The following FBN2 variants were observed in gnomAD, a reference collection of about 807,000 sequenced individuals.
The protein encoded by FBN2 is fibrillin-2.
Under a neutral mutation model 355.6 loss-of-function variants are expected in FBN2, and 105 were observed. The observed-to-expected ratio is 0.30, with a 90% CI of 0.25 to 0.35. The LOEUF (loss-of-function observed/expected upper bound fraction) is 0.35. FBN2 is among the 10% of genes least tolerant of loss of function. The probability of loss-of-function intolerance (pLI) is 1.00; values close to 1 mark genes in which losing one functional copy is unlikely to be tolerated. For synonymous variants in FBN2, 1,350 were observed against 1,301.2 expected, an observed-to-expected ratio of 1.04 and a Z score of -0.81; for missense variants, 3,280 against 3,758.7, an observed-to-expected ratio of 0.87 and a Z score of 3.33.
At chr5:128,465,364 C>T (rs977828907) in intron 5 of FBN2, among the ~76,000 whole-genome samples, 2 of 152,168 alleles carry the variant, frequency 1.3e-5, no homozygotes, top group Admixed American at 6.5e-5. Context: ...AATCCGAGCT[C>T]AGTACATTCA....
At chr5:128,416,617 C>A (rs2127009981) in intron 7 of FBN2, among the ~76,000 whole-genome samples, 1 of 152,292 alleles carries the variant, frequency 6.6e-6, no homozygotes, top group African/African-American at 2.4e-5. Context: ...TAGTTCCATT[C>A]TTCTGCATAT....
At position 128,349,337 on chromosome 5, in the gene FBN2, T is replaced by A; in HGVS notation, c.2989+10A>T. On this transcript the variant is annotated intron_variant, in intron 23 of 64. Transcript: ENST00000262464. ...TTTATACATAGAATACATGAGGGTGTGAATCTTACCCAAACATACACGGCC... is the reference window on the plus strand; with the variant it reads ...TTTATACATAGAATACATGAGGGTGAGAATCTTACCCAAACATACACGGCC... 4 of 1,614,034 alleles carry A rather than the reference T, an allele frequency of 2.5e-6. No individual in the cohort carries two copies. The highest frequency in any genetic ancestry group is 3.4e-6 in the Non-Finnish European group (4 of 1,180,008).
At chr5:128,438,541 C>T (rs2127043386) in intron 7 of FBN2, among the ~76,000 whole-genome samples, 1 of 152,236 alleles carries the variant, frequency 6.6e-6, no homozygotes, top group South Asian at 2.1e-4. Context: ...GTGGAAAGGT[C>T]CCATATTTTC....
intron 6 of FBN2, among the ~76,000 whole-genome samples, chr5:128,450,141 A>G (rs1233395158): frequency 3.3e-5 from 5 of 152,152 alleles, no homozygotes; most frequent in African/African-American, 1.2e-4. Context: ...ACTGAAAATC[A>G]TCAGGGATAT....
At chr5:128,455,544 C>T (rs1177415383) in intron 6 of FBN2, among the ~76,000 whole-genome samples, 1 of 152,026 alleles carries the variant, frequency 6.6e-6, no homozygotes, top group Non-Finnish European at 1.5e-5. Context: ...AGCAGCGTCT[C>T]TCAGAGGCTC....
At chr5:128,451,647 G>A (rs1432296707) in intron 6 of FBN2, among the ~76,000 whole-genome samples, 29 of 152,162 alleles carry the variant, frequency 1.9e-4, no homozygotes, top group Admixed American at 1.6e-3. Context: ...TGATCCACCC[G>A]CCTTGGCCTC....
intron 37 of FBN2, among the ~76,000 whole-genome samples, chr5:128,312,419 ATTT>A (rs896074901): frequency 1.3e-5 from 2 of 152,176 alleles, no homozygotes; most frequent in African/African-American, 4.8e-5. Context: ...GTTAAAAATT[ATTT>A]TTTTAACATA....
chr5:128,349,124 TGA>T (rs1751274595), intron 23 of FBN2, among the ~76,000 whole-genome samples: 1 of 152,220 alleles, frequency 6.6e-6, no homozygotes. Context: ...TGGAAGATTT[TGA>T]GATAGATTTT....
chr5:128,537,663 T>A lies in FBN2; in HGVS notation c.-60A>T. 6.5e-7 allele frequency: 1 copy of A among 1,528,614 alleles called. No individual in the cohort carries two copies. Among genetic ancestry groups the A allele is most frequent in the East Asian group, 2.3e-5 (1 of 43,298 alleles). The allele number at this position is 1,528,614 out of a possible 1,614,324, so 94.7% of individuals were successfully genotyped here. A position where few individuals can be genotyped will look rare whatever the true frequency, so the allele number is the denominator to read the frequency against. ...GGAGAGGGAGTGATCAAAGACAAAA[T>A]CTGCGCGCCTCAGAAAAGAGTCAGG... On this transcript the variant is annotated 5_prime_UTR_variant, in exon 1 of 65. Transcript: ENST00000262464.
At chr5:128,350,253 T>C (rs1350071197) in intron 21 of FBN2, among the ~76,000 whole-genome samples, 1 of 152,208 alleles carries the variant, frequency 6.6e-6, no homozygotes, top group Non-Finnish European at 1.5e-5. Context: ...TGCTGTCACA[T>C]TGACAACTGA....
intron 64 of FBN2, 80 bp downstream of exon 64, chr5:128,261,656 T>C: frequency 2.2e-6 from 3 of 1,351,178 alleles, no homozygotes; most frequent in Non-Finnish European, 3.2e-6. Flanking sequence ...TCAGTGAGGC[T>C]GAAAACGACG....
At chr5:128,335,691 G>T in intron 28 of FBN2, 114 bp from the exon 29 acceptor site, 2 of 1,254,590 alleles carry the variant, frequency 1.6e-6, no homozygotes, top group Non-Finnish European at 2.3e-6. Context: ...CACTATGTGT[G>T]TTGATTGAAC....
In FBN2 at chr5:128,305,967, G is replaced by C. The variant is rs372831790; in HGVS notation, c.5423-19C>G. On this transcript the variant is annotated intron_variant, in intron 42 of 64. Transcript: ENST00000262464. ...TCAATGTCTGAAATGGAACAGATTTGGTCAAATATATGTTGTTCTGTTTAA... is the reference window on the plus strand; with the variant it reads ...TCAATGTCTGAAATGGAACAGATTTCGTCAAATATATGTTGTTCTGTTTAA... 5.6e-6 allele frequency: 9 copies of C among 1,610,232 alleles called. No individual in the cohort carries two copies. The highest frequency in any genetic ancestry group is 1.1e-5 in the South Asian group (1 of 90,996).
Position 128,465,701 on chromosome 5 carries a change from T to C in FBN2, c.629-780A>G, listed in dbSNP as rs978452717. Among the ~76,000 whole-genome samples the C allele has an allele frequency of 2.0e-4, 31 of 152,234 alleles. 1 individual carries two copies. The highest frequency in any genetic ancestry group is 1.3e-4 in the Non-Finnish European group (9 of 68,050). ...TGATCGCTCCTCTCTAGCAAGTGAC[T>C]GTACATTGTCCAGCTCTGTTATGGT... is the stretch of plus-strand genomic sequence containing the variant. On this transcript the variant is annotated intron_variant, in intron 5 of 64. Coordinates refer to ENST00000262464, the MANE Select transcript of FBN2 (RefSeq NM_001999.4).
At chr5:128,526,233 G>GA (rs931996202) in intron 4 of FBN2, among the ~76,000 whole-genome samples, 37 of 149,896 alleles carry the variant, frequency 2.5e-4, no homozygotes, top group South Asian at 6.3e-4. Flanking sequence ...TATTATTTAA[G>GA]AAAAAAAAAC....
chr5:128,258,636 T>C lies in FBN2; in HGVS notation c.*819A>G, dbSNP rs72783099. On this transcript the variant is annotated 3_prime_UTR_variant, in exon 65 of 65. Coordinates refer to ENST00000262464, the MANE Select transcript of FBN2 (RefSeq NM_001999.4). ...TAGCACATATGGTTCCTTGAGGTTA[T>C]GAGAAGGAAATACAGTACGGTTTGG... 0.035 allele frequency: 5,269 copies of C among 152,680 alleles called. 134 individuals carry two copies. Among genetic ancestry groups the C allele is most frequent in the Non-Finnish European group, 0.056 (3,782 of 68,046 alleles). The allele number at this position is 152,680 out of a possible 1,614,324, so 9.5% of individuals were successfully genotyped here.
chr5:128,432,287 T>C (rs1753647506), intron 7 of FBN2, among the ~76,000 whole-genome samples: 1 of 152,226 alleles, frequency 6.6e-6, no homozygotes, highest in South Asian at 2.1e-4. Flanking sequence ...TAAAACCTAT[T>C]TGTCCGTGGG....
At chr5:128,499,421 C>T (rs534317442) in intron 5 of FBN2, among the ~76,000 whole-genome samples, 27 of 152,228 alleles carry the variant, frequency 1.8e-4, no homozygotes, top group African/African-American at 6.0e-4. Context: ...ACAATTACTT[C>T]GCGGGCTTTA....
At chr5:128,279,546 C>T (rs1015217853) in intron 56 of FBN2, among the ~76,000 whole-genome samples, 3 of 151,920 alleles carry the variant, frequency 2.0e-5, no homozygotes, top group African/African-American at 7.2e-5. Context: ...AAGCATATGA[C>T]GTCATTCAGA....
Sources: gnomAD v4.1 joint callset for allele counts (sites outside exome capture counted in the v4.1 genomes callset) on GRCh38, gnomAD v4.1.1 for gene constraint, MANE v1.5 for transcripts, NCBI Gene and HGNC (gene_info 2026-07-23, HGNC 2026-07-21) for gene names.